WNK2: variants seen among roughly 807,000 people sequenced by gnomAD.
WNK2 encodes the protein WNK lysine deficient protein kinase 2, also known as serine/threonine-protein kinase WNK2.
In WNK2, 67 loss-of-function variants were observed where a neutral mutation model predicts 192.1. That is an observed-to-expected ratio of 0.35 (90% CI 0.29 to 0.43). WNK2 has a LOEUF of 0.43. Among genes scored for constraint, WNK2 ranks in the 20% least tolerant of loss-of-function variants. WNK2 has a pLI of 1.00. For synonymous variants in WNK2, 1,439 were observed against 1,393.9 expected, an observed-to-expected ratio of 1.03 and a Z score of -0.72; for missense variants, 2,698 against 3,089.7, an observed-to-expected ratio of 0.87 and a Z score of 3.01.
intron 20 of WNK2, 138 bp downstream of exon 20, chr9:93,289,758 C>T (rs2133816234): frequency 1.0e-6 from 1 of 993,468 alleles, no homozygotes; most frequent in Non-Finnish European, 1.4e-6. Context: ...GTGACCCACC[C>T]ACGTGTGTTT....
chr9:93,246,383 C>G (rs1484001835), intron 7 of WNK2, among the ~76,000 whole-genome samples: 3 of 152,196 alleles, frequency 2.0e-5, no homozygotes, highest in Non-Finnish European at 4.4e-5. Flanking sequence ...TGCTCCCAGG[C>G]CCTCCTGGTG....
chr9:93,247,485 G>C lies in WNK2; in HGVS notation c.1543-58G>C. The C allele has an allele frequency of 1.3e-6, 2 of 1,557,714 alleles. No homozygotes were observed. Among genetic ancestry groups the C allele is most frequent in the Non-Finnish European group, 1.7e-6 (2 of 1,146,630 alleles). On this transcript the variant is annotated intron_variant, in intron 7 of 29. Transcript: ENST00000427277. This position sits in a 1 kb window ranked among gnomAD's most constrained non-coding sequence, Gnocchi z 5.2. ...TGATGGGAAAGCACTTTAGGTAAGG[G>C]GTGTGGGCCGGTGAGGGCTGATCCC... is the stretch of plus-strand genomic sequence containing the variant.
chr9:93,293,300 AG>A, intron 23 of WNK2, 127 bp downstream of exon 23: 1 of 815,904 alleles, frequency 1.2e-6, no homozygotes, highest in East Asian at 3.2e-5. Flanking sequence ...GCTGCCAAGC[AG>A]GGACAGGGGA....
At chr9:93,241,577 G>A (rs1326210108) in intron 7 of WNK2, among the ~76,000 whole-genome samples, 2 of 152,232 alleles carry the variant, frequency 1.3e-5, no homozygotes, top group African/African-American at 2.4e-5. Flanking sequence ...AGTGGAGGGG[G>A]TTGCAGAGAG....
In WNK2 at chr9:93,185,530, C is replaced by G; in HGVS notation, c.601C>G (p.Leu201Val). The part of the protein sequence containing the change: ...DGRFLKFDIE[L>V]GRGSFKTVYK... Reference sequence around the variant, plus strand: ...CCGCTTCCTCAAGTTCGACATCGAGCTGGGCCGCGGTTCCTTCAAGACGGT... The same window carrying G: ...CCGCTTCCTCAAGTTCGACATCGAGGTGGGCCGCGGTTCCTTCAAGACGGT... Residue 201 changes from leucine to valine, a missense_variant, in exon 2 of 30, where the codon CTG becomes GTG. Physicochemically the swap from Leu to Val is conservative, Grantham distance 32. Transcript: ENST00000427277. 6.2e-7 allele frequency: 1 copy of G among 1,613,010 alleles called. No individual in the cohort carries two copies. The highest frequency in any genetic ancestry group is 1.1e-5 in the South Asian group (1 of 91,030).
intron 5 of WNK2, among the ~76,000 whole-genome samples, chr9:93,237,347 T>G (rs1048127476): frequency 6.6e-6 from 1 of 152,214 alleles, no homozygotes; most frequent in African/African-American, 2.4e-5. Flanking sequence ...GATTCTGAAA[T>G]GAGCAGAATA....
chr9:93,299,127 T>C lies in WNK2; in HGVS notation c.5981T>C (p.Val1994Ala), dbSNP rs1205406408. 4 of 1,611,984 alleles carry C rather than the reference T, an allele frequency of 2.5e-6. No individual in the cohort carries two copies. Among genetic ancestry groups the C allele is most frequent in the East Asian group, 2.2e-5 (1 of 44,872 alleles). Residue 1994 changes from valine to alanine, a missense_variant, in exon 25 of 30, where the codon GTG becomes GCG. This residue lies in a region of WNK2 where 1,098 missense variants were observed against 1,101.0 expected (regional missense o/e 1.00). Coordinates refer to ENST00000427277, the MANE Select transcript of WNK2 (RefSeq NM_006648.4). ...GCTAAGGACCCTGCCCAAGCCAGTG[T>C]GGGGCTCACTGCAGACAGCACGGGC... ...PPAKDPAQAS[V>A]GLTADSTGLS...
At chr9:93,241,855 G>A (rs1198057814) in intron 7 of WNK2, among the ~76,000 whole-genome samples, 5 of 150,982 alleles carry the variant, frequency 3.3e-5, no homozygotes, top group Admixed American at 3.3e-4. Context: ...TCTCTCAGCT[G>A]GACTTCCTGC....
chr9:93,223,796 T>G (rs1837359257), intron 2 of WNK2, among the ~76,000 whole-genome samples: 1 of 152,066 alleles, frequency 6.6e-6, no homozygotes, highest in Non-Finnish European at 1.5e-5. Context: ...GTGGAGTGTG[T>G]GGGGATGCCA....
chr9:93,288,637 G>A (rs1396194780), intron 19 of WNK2, 151 bp from the exon 20 acceptor site: 4 of 820,038 alleles, frequency 4.9e-6, no homozygotes, highest in African/African-American at 3.5e-5. Context: ...CTGAGCTGCA[G>A]GCAGGCAGGA....
intron 28 of WNK2, among the ~76,000 whole-genome samples, chr9:93,312,630 G>A (rs927375430): frequency 5.3e-5 from 8 of 152,156 alleles, no homozygotes; most frequent in Admixed American, 2.6e-4. Context: ...CGCCCGCCTC[G>A]GCCTCCCAAA....
intron 23 of WNK2, among the ~76,000 whole-genome samples, chr9:93,295,829 C>T (rs1029281554): frequency 2.8e-5 from 4 of 144,784 alleles, no homozygotes; most frequent in Non-Finnish European, 6.0e-5. Flanking sequence ...CCTCTCCATC[C>T]TCAACTCACT....
intron 2 of WNK2, among the ~76,000 whole-genome samples, chr9:93,196,270 C>A (rs1409880021): frequency 1.3e-5 from 2 of 152,100 alleles, no homozygotes; most frequent in South Asian, 2.1e-4. Context: ...GGGCACTGTG[C>A]GTGCTTGCTC....
rs1049796071 is a variant in WNK2 at position 93,234,514 on chromosome 9, C to T, written c.1076-294C>T. ...TTTGCCTCCTTCCAGGCTCGGACCC[C>T]GTCCCCTGGGAAGTCATAGTCTCCC... is the stretch of plus-strand genomic sequence containing the variant. On this transcript the variant is annotated intron_variant, in intron 4 of 29. Coordinates refer to ENST00000427277, the MANE Select transcript of WNK2 (RefSeq NM_006648.4). Among the ~76,000 whole-genome samples the T allele has an allele frequency of 5.9e-5, 9 of 152,238 alleles. 1 individual carries two copies. Among genetic ancestry groups the T allele is most frequent in the Admixed American group, 5.2e-4 (8 of 15,292 alleles).
intron 2 of WNK2, among the ~76,000 whole-genome samples, chr9:93,208,478 T>C (rs1435836691): frequency 3.3e-5 from 5 of 152,166 alleles, no homozygotes; most frequent in African/African-American, 7.2e-5. Flanking sequence ...TCCATGTGCA[T>C]GTGTTCTCTG....
chr9:93,267,760 T>C lies in WNK2; in HGVS notation c.3711T>C (p.Phe1237=). ...TCCCTTTGCAGGTGGAGCATGACTTTATCCTGCAGGCCGAGCGGGAAACGT... is the reference window on the plus strand; with the variant it reads ...TCCCTTTGCAGGTGGAGCATGACTTCATCCTGCAGGCCGAGCGGGAAACGT... ...EIATYMVEHD[F]ILQAERETFI... The change falls in exon 17 of 30, where the codon TTT becomes TTC. Residue 1237 remains phenylalanine (F), a synonymous_variant. Transcript: ENST00000427277. 1 of 1,600,946 alleles carries C rather than the reference T, an allele frequency of 6.2e-7. No individual in the cohort carries two copies. The highest frequency in any genetic ancestry group is 2.2e-5 in the East Asian group (1 of 44,460).
In WNK2 at chr9:93,230,230, G is replaced by C. The variant is rs1369593450; in HGVS notation, c.854+362G>C. Among the ~76,000 whole-genome samples the C allele has an allele frequency of 2.0e-5, 3 of 152,124 alleles. No homozygotes were observed. The East Asian group carries it at 5.8e-4, about 29-fold the overall frequency. ...AGTGGGGAGTGGGGTGGCCACGGCA[G>C]CCTGTTGCTGCTCACTAAGGTCCCA... On this transcript the variant is annotated intron_variant, in intron 3 of 29. Transcript: ENST00000427277.
chr9:93,191,460 C>G (rs560128663), intron 2 of WNK2, among the ~76,000 whole-genome samples: 68 of 152,116 alleles, frequency 4.5e-4, no homozygotes, highest in Middle Eastern at 3.4e-3. Context: ...CCTGTGAGAC[C>G]TGGAAATGTA....
rs373702523 is a variant in WNK2, at chr9:93,281,590, A to AGAAAACAAGAGAATGCAGC, written c.4034-7197_4034-7179dup. 4.1e-3 allele frequency among the ~76,000 whole-genome samples: 618 copies of AGAAAACAAGAGAATGCAGC among 152,316 alleles called. 3 individuals carry two copies. Among genetic ancestry groups the AGAAAACAAGAGAATGCAGC allele is most frequent in the Middle Eastern group, 0.014 (4 of 294 alleles). ...TCAAACATCATGTAATTGGAGTCCC[A>AGAAAACAAGAGAATGCAGC]GAAAACAAGAGAATGCAGCAAAAAC... On this transcript the variant is annotated intron_variant, in intron 19 of 29. Transcript: ENST00000427277.
Sources: gnomAD v4.1 joint callset for allele counts (sites outside exome capture counted in the v4.1 genomes callset) on GRCh38, gnomAD v4.1.1 for gene constraint, gnomAD v4.1.1 regional missense constraint, Gnocchi (gnomAD v3.1) non-coding constraint, MANE v1.5 for transcripts, NCBI Gene and HGNC (gene_info 2026-07-23, HGNC 2026-07-21) for gene names.